Variants in SPIDR observed in about 807,000 individuals in gnomAD.
SPIDR encodes the protein DNA repair-scaffolding protein.
In SPIDR, 93 loss-of-function variants were observed where a neutral mutation model predicts 104.6. The ratio of observed to expected loss-of-function variants is 0.89; its 90% confidence interval spans 0.75 to 1.06. The LOEUF (loss-of-function observed/expected upper bound fraction) is 1.06. Among genes scored for constraint, SPIDR ranks in the 50% least tolerant of loss-of-function variants. SPIDR has a pLI of 0.00. For synonymous variants in SPIDR, 431 were observed against 416.9 expected (o/e 1.03, Z -0.41); for missense variants, 1,154 against 1,111.2 (o/e 1.04, Z -0.55).
chr8:47,551,827 T>C (rs1374975900), intron 8 of SPIDR, among the ~76,000 whole-genome samples: 1 of 152,198 alleles, frequency 6.6e-6, no homozygotes, highest in Non-Finnish European at 1.5e-5. Context: ...TGAATTTTTT[T>C]GCTCTTGCTT....
At chr8:47,556,519 T>A (rs1037141092) in intron 8 of SPIDR, among the ~76,000 whole-genome samples, 1 of 152,230 alleles carries the variant, frequency 6.6e-6, no homozygotes, top group African/African-American at 2.4e-5. Context: ...AATTTAAATC[T>A]ACAGGTGGAT....
intron 7 of SPIDR, among the ~76,000 whole-genome samples, chr8:47,412,605 C>T (rs1434885884): frequency 6.6e-6 from 1 of 152,226 alleles, no homozygotes; most frequent in Non-Finnish European, 1.5e-5. Flanking sequence ...CAGTAACACA[C>T]TACCATCCAT....
chr8:47,480,844 A>G (rs1554726581), intron 8 of SPIDR, among the ~76,000 whole-genome samples: 1 of 152,228 alleles, frequency 6.6e-6, no homozygotes, highest in Non-Finnish European at 1.5e-5. Flanking sequence ...ATTAAGCCCT[A>G]CATTGGGAAT....
At position 47,404,049 on chromosome 8, in the gene SPIDR, C is replaced by T. The variant is rs569886111; in HGVS notation, c.777-3812C>T. Among the ~76,000 whole-genome samples, 14 of 152,210 alleles carry T rather than the reference C, an allele frequency of 9.2e-5. 1 individual carries two copies. Among genetic ancestry groups the T allele is most frequent in the Admixed American group, 9.2e-4 (14 of 15,292 alleles). On this transcript the variant is annotated intron_variant, in intron 6 of 19. Coordinates refer to ENST00000297423, the MANE Select transcript of SPIDR (RefSeq NM_001080394.4). ...CAGAGCCTTTGAAAATAATACCACA[C>T]ATCTAAAACCATCTGATCCTTGACA...
intron 10 of SPIDR, among the ~76,000 whole-genome samples, chr8:47,657,220 A>G (rs1338797832): frequency 1.3e-5 from 2 of 152,228 alleles, no homozygotes; most frequent in African/African-American, 4.8e-5. Flanking sequence ...ATTATACCTC[A>G]GTAAAGCTGT....
intron 11 of SPIDR, among the ~76,000 whole-genome samples, chr8:47,677,368 A>G (rs962913888): frequency 2.6e-5 from 4 of 152,220 alleles, no homozygotes; most frequent in African/African-American, 9.6e-5. Flanking sequence ...AAATATGTTA[A>G]CCTATCATAG....
chr8:47,327,257 A>T (rs1554600842), intron 5 of SPIDR, among the ~76,000 whole-genome samples: 1 of 152,188 alleles, frequency 6.6e-6, no homozygotes, highest in Non-Finnish European at 1.5e-5. Context: ...TGGAAAAAAT[A>T]TCTATTCAAG....
intron 5 of SPIDR, among the ~76,000 whole-genome samples, chr8:47,340,410 G>A (rs1171009993): frequency 6.6e-6 from 1 of 152,066 alleles, no homozygotes; most frequent in Admixed American, 6.6e-5. Context: ...TTTGAGATGA[G>A]GCTGGCTAAC....
chr8:47,473,444 G>A (rs958904339), intron 8 of SPIDR, among the ~76,000 whole-genome samples: 142 of 152,198 alleles, frequency 9.3e-4, no homozygotes, highest in African/African-American at 3.3e-3. Context: ...GTGTCTCCCC[G>A]CTTTGTGGGC....
rs1228393963 is a variant in SPIDR at position 47,592,193 on chromosome 8, A to G, written c.1098-3618A>G. 9 of 1,380,726 alleles carry G rather than the reference A, an allele frequency of 6.5e-6. No homozygotes were observed. In the East Asian group the frequency reaches 6.9e-5, roughly 11 times the overall value. 85.5% of individuals were successfully genotyped at this position (1,380,726 alleles called of 1,614,324 possible). ...CCTAGTTCATGCTCTAGCTGTTTCTATGGCTTGGGCTTTGTTGGTCTTCCA... is the reference window on the plus strand; with the variant it reads ...CCTAGTTCATGCTCTAGCTGTTTCTGTGGCTTGGGCTTTGTTGGTCTTCCA... On this transcript the variant is annotated intron_variant, in intron 8 of 19. Transcript: ENST00000297423.
intron 10 of SPIDR, among the ~76,000 whole-genome samples, chr8:47,647,659 A>AGG (rs2070760249): frequency 4.7e-5 from 7 of 148,806 alleles, no homozygotes; most frequent in Non-Finnish European, 1.0e-4. Flanking sequence ...AGAGAGGGAG[A>AGG]GAGAGAGAGG....
intron 5 of SPIDR, among the ~76,000 whole-genome samples, chr8:47,302,692 G>T (rs188569270): frequency 6.6e-6 from 1 of 152,222 alleles, no homozygotes; most frequent in Non-Finnish European, 1.5e-5. Context: ...AGGTCTGTTG[G>T]AGTTTGGTGG....
rs1554548639 is a variant in SPIDR at position 47,658,044 on chromosome 8, AAAAAAGAAAAAG to A, written c.1545-15745_1545-15734del. ...GACCCTGTCTCAAAAAAAAAAAAAA[AAAAAAGAAAAAG>A]AAAAAGAAAAAAAAAGGCAAAAGAG... On this transcript the variant is annotated intron_variant, in intron 10 of 19. Coordinates refer to ENST00000297423, the MANE Select transcript of SPIDR (RefSeq NM_001080394.4). 7.5e-5 allele frequency among the ~76,000 whole-genome samples: 11 copies of A among 146,416 alleles called. No individual in the cohort carries two copies. In the South Asian group the frequency reaches 2.1e-3, roughly 28 times the overall value.
At chr8:47,317,826 C>T (rs1312837499) in intron 5 of SPIDR, among the ~76,000 whole-genome samples, 2 of 152,154 alleles carry the variant, frequency 1.3e-5, no homozygotes, top group Non-Finnish European at 2.9e-5. Context: ...TGCTGATACT[C>T]AGGGAAACAG....
chr8:47,297,661 T>A (rs963605668), intron 5 of SPIDR, among the ~76,000 whole-genome samples: 1 of 151,876 alleles, frequency 6.6e-6, no homozygotes, highest in Admixed American at 6.6e-5. Flanking sequence ...CCTGTGTCCA[T>A]CTGTTCTCAT....
At chr8:47,275,586 CTG>C (rs1349694877) in intron 1 of SPIDR, among the ~76,000 whole-genome samples, 1 of 151,930 alleles carries the variant, frequency 6.6e-6, no homozygotes, top group Non-Finnish European at 1.5e-5. Flanking sequence ...AGTGGAACCT[CTG>C]TGTAAAGAAA....
At chr8:47,684,962 T>C (rs2077554093) in intron 11 of SPIDR, among the ~76,000 whole-genome samples, 1 of 152,214 alleles carries the variant, frequency 6.6e-6, no homozygotes, top group African/African-American at 2.4e-5. Context: ...ATTACACCTG[T>C]AATCCCAGCA....
chr8:47,393,793 C>G (rs2060916534), intron 5 of SPIDR, among the ~76,000 whole-genome samples: 1 of 147,840 alleles, frequency 6.8e-6, no homozygotes, highest in Admixed American at 6.9e-5. Flanking sequence ...TTCCCTTCCC[C>G]TTCTCCCTTC....
intron 8 of SPIDR, among the ~76,000 whole-genome samples, chr8:47,590,167 C>T (rs1286308931): frequency 1.0e-4 from 15 of 146,058 alleles, no homozygotes; most frequent in African/African-American, 3.6e-4. Context: ...GAGCAAGACT[C>T]TGTCTCAAAA....
Sources: gnomAD v4.1 joint callset for allele counts (sites outside exome capture counted in the v4.1 genomes callset) on GRCh38, gnomAD v4.1.1 for gene constraint, MANE v1.5 for transcripts, NCBI Gene and HGNC (gene_info 2026-07-23, HGNC 2026-07-21) for gene names.